The following ITIH3 variants were observed in gnomAD, a reference collection of about 807,000 sequenced individuals.
ITIH3 encodes the protein inter-alpha-trypsin inhibitor heavy chain 3.
Under a neutral mutation model 96.5 loss-of-function variants are expected in ITIH3, and 81 were observed. That is an observed-to-expected ratio of 0.84 (90% CI 0.70 to 1.01). ITIH3 has a LOEUF of 1.01. ITIH3 is among the 50% of genes least tolerant of loss of function. ITIH3 has a pLI of 0.00. For missense variants in ITIH3, 1,057 were observed against 1,139.3 expected, an observed-to-expected ratio of 0.93 and a Z score of 1.04; for synonymous variants, 422 against 445.2, an observed-to-expected ratio of 0.95 and a Z score of 0.66.
intron 2 of ITIH3, 56 bp from the exon 3 acceptor site, chr3:52,796,425 C>T (rs1398836520): frequency 2.1e-5 from 32 of 1,548,340 alleles, no homozygotes; most frequent in Non-Finnish European, 2.8e-5. Context: ...GGCTGGGTTG[C>T]AAACCTGCTT....
chr3:52,807,361 C>A (rs1472784496), intron 19 of ITIH3, among the ~76,000 whole-genome samples: 2 of 152,144 alleles, frequency 1.3e-5, no homozygotes, highest in Non-Finnish European at 2.9e-5. Flanking sequence ...GATAATGGCC[C>A]CCATTTGCCT....
rs1346730685 is a variant in ITIH3 at position 52,797,233 on chromosome 3, A to G, written c.515A>G (p.Lys172Arg). 1.2e-6 allele frequency: 2 copies of G among 1,607,338 alleles called. No individual in the cohort carries two copies. Among genetic ancestry groups the G allele is most frequent in the South Asian group, 2.2e-5 (2 of 89,510 alleles). ...AAGGGCAAGTACGAGATGTACCTCA[A>G]GGTCCAGCCTAAGCAACTGGTCAAA... ...RHKGKYEMYL[K>R]VQPKQLVKHF... The change falls in exon 5 of 22, where the codon AAG becomes AGG. Residue 172 changes from lysine to arginine, a missense_variant. Lys to Arg is a conservative substitution (Grantham distance 26, BLOSUM62 2). Coordinates refer to ENST00000449956, the MANE Select transcript of ITIH3 (RefSeq NM_002217.4).
intron 6 of ITIH3, 138 bp downstream of exon 6, chr3:52,798,068 C>A: frequency 1.6e-6 from 1 of 617,786 alleles, no homozygotes; most frequent in Non-Finnish European, 2.9e-6. Context: ...CTGCAACTAT[C>A]ACCTTCCTCC....
intron 2 of ITIH3, 114 bp downstream of exon 2, chr3:52,795,737 C>A: frequency 9.7e-7 from 1 of 1,030,890 alleles, no homozygotes; most frequent in Non-Finnish European, 1.4e-6. Context: ...TGGCAAACAG[C>A]TTACGGCCCT....
chr3:52,800,699 G>A, intron 10 of ITIH3, 36 bp downstream of exon 10: 1 of 1,592,184 alleles, frequency 6.3e-7, no homozygotes, highest in Admixed American at 1.8e-5. Flanking sequence ...GCTAGGGCTG[G>A]AGTGCTTGGC....
chr3:52,800,508 C>A, intron 9 of ITIH3, 30 bp from the exon 10 acceptor site: 1 of 1,550,342 alleles, frequency 6.5e-7, no homozygotes, highest in Non-Finnish European at 8.7e-7. Context: ...TGAGGACACC[C>A]TCCCACGGTG....
At chr3:52,804,277 A>G (rs1456121322) in intron 14 of ITIH3, 2 of 517,736 alleles carry the variant, frequency 3.9e-6, no homozygotes, top group Non-Finnish European at 6.9e-6. Context: ...TTTCAAGGAA[A>G]AGGACTGAGG....
In ITIH3 at chr3:52,801,053, T is replaced by A; in HGVS notation, c.1290T>A (p.Asn430Lys). 6.2e-7 allele frequency: 1 copy of A among 1,613,760 alleles called. No homozygotes were observed. Among genetic ancestry groups the A allele is most frequent in the African/African-American group, 1.3e-5 (1 of 75,060 alleles). ...TGTATAACCTGGGCTTTGGCAACAA[T>A]CTGAATTATAACTTCCTGGAGAACA... ...FPLYNLGFGN[N>K]LNYNFLENMA... The change falls in exon 11 of 22, where the codon AAT (asparagine) becomes AAA (lysine). Residue 430 changes from asparagine (N) to lysine (K), a missense_variant. By Grantham distance (94) the Asn-to-Lys change is moderately conservative. Transcript: ENST00000449956.
chr3:52,799,508 C>T lies in ITIH3; in HGVS notation c.906+20C>T. The T allele has an allele frequency of 6.4e-7, 1 of 1,554,996 alleles. No individual in the cohort carries two copies. Among genetic ancestry groups the T allele is most frequent in the Non-Finnish European group, 8.8e-7 (1 of 1,139,354 alleles). On this transcript the variant is annotated intron_variant, in intron 8 of 21. Transcript: ENST00000449956. ...GAGCAGGTAATCAGCACCAGTGGCA[C>T]AGCCAGGGCTCGGGGTAGTAGGGGG... is the stretch of plus-strand genomic sequence containing the variant.
chr3:52,796,183 C>G (rs759808083), intron 2 of ITIH3: 1 of 348,860 alleles, frequency 2.9e-6, no homozygotes, highest in South Asian at 4.2e-5. Flanking sequence ...CAGTGTCCCA[C>G]GCATAGCTGG....
Position 52,797,091 on chromosome 3 carries a change from C to T in ITIH3, c.387-14C>T, listed in dbSNP as rs765683798. 4.3e-5 allele frequency: 69 copies of T among 1,604,904 alleles called. No individual in the cohort carries two copies. The highest frequency in any genetic ancestry group is 5.2e-5 in the Non-Finnish European group (61 of 1,176,674). On this transcript the variant is annotated splice_polypyrimidine_tract_variant and intron_variant, in intron 4 of 21. Coordinates refer to ENST00000449956, the MANE Select transcript of ITIH3 (RefSeq NM_002217.4). Reference sequence around the variant, plus strand: ...GCAGTCTTTGAGGGAGTCACCATCTCGCACCCTGGTCAGGGCCTCTGGGAG... The same window carrying T: ...GCAGTCTTTGAGGGAGTCACCATCTTGCACCCTGGTCAGGGCCTCTGGGAG...
chr3:52,801,851 C>T (rs573002092), intron 11 of ITIH3, among the ~76,000 whole-genome samples: 3 of 152,292 alleles, frequency 2.0e-5, no homozygotes, highest in South Asian at 4.1e-4. Flanking sequence ...TGTAGCTGCA[C>T]GTCCTGTCTT....
chr3:52,799,742 C>T lies in ITIH3; in HGVS notation c.907-11C>T, dbSNP rs181053134. On this transcript the variant is annotated splice_polypyrimidine_tract_variant and intron_variant, in intron 8 of 21. Transcript: ENST00000449956. The stretch of plus-strand genomic sequence containing the variant: ...GCTGCGGCTTCTCCCAGCTCTTTGT[C>T]TCTCCTCCAGACAAAGGAGGCCCTT... 3.3e-5 allele frequency: 53 copies of T among 1,606,184 alleles called. 1 individual carries two copies. The East Asian group carries it at 7.1e-4, about 22-fold the overall frequency.
At chr3:52,800,941 T>TA (rs752793684) in intron 10 of ITIH3, 24 bp from the exon 11 acceptor site, 5 of 1,613,864 alleles carry the variant, frequency 3.1e-6, no homozygotes, top group Non-Finnish European at 4.2e-6. Context: ...GGGGCTGGAC[T>TA]GTGAACACCC....
At chr3:52,799,635 G>T in intron 8 of ITIH3, 118 bp from the exon 9 acceptor site, 1 of 1,192,906 alleles carries the variant, frequency 8.4e-7, no homozygotes. Flanking sequence ...GCCCGCTTCT[G>T]TGGCAAGCCT....
At chr3:52,800,458 C>T (rs1699781283) in intron 9 of ITIH3, 80 bp from the exon 10 acceptor site, 1 of 1,521,530 alleles carries the variant, frequency 6.6e-7, no homozygotes, top group Admixed American at 2.0e-5. Flanking sequence ...GCCGGCTGTC[C>T]CGGCCTCCTC....
At chr3:52,804,605 T>G in intron 14 of ITIH3, 121 bp from the exon 15 acceptor site, 1 of 1,008,780 alleles carries the variant, frequency 9.9e-7, no homozygotes, top group Non-Finnish European at 1.5e-6. Flanking sequence ...GGGGAAGAGC[T>G]GGCTGCTGGG....
chr3:52,803,525 G>A (rs959899037), intron 13 of ITIH3, among the ~76,000 whole-genome samples: 16 of 152,142 alleles, frequency 1.1e-4, no homozygotes, highest in Non-Finnish European at 1.9e-4. Context: ...CACCATGTTG[G>A]CCAGGCTGAT....
Position 52,799,905 on chromosome 3 carries a change from C to T in ITIH3, c.1059C>T (p.Ser353=), listed in dbSNP as rs1434865218. Reference sequence around the variant, plus strand: ...AGGAGGCCAGGACGTTTGTGAAGAGCATGGAGGATAAAGGAAGTAAGAGCG... The same window carrying T: ...AGGAGGCCAGGACGTTTGTGAAGAGTATGGAGGATAAAGGAAGTAAGAGCG... ...NLQEARTFVK[S]MEDKGMTNIN... The change falls in exon 9 of 22, where the codon AGC becomes AGT. Residue 353 remains serine (S), a synonymous_variant. Transcript: ENST00000449956. 1 of 1,613,722 alleles carries T rather than the reference C, an allele frequency of 6.2e-7. No homozygotes were observed. The highest frequency in any genetic ancestry group is 8.5e-7 in the Non-Finnish European group (1 of 1,179,748).
Sources: gnomAD v4.1 joint callset for allele counts (sites outside exome capture counted in the v4.1 genomes callset) on GRCh38, gnomAD v4.1.1 for gene constraint, MANE v1.5 for transcripts, NCBI Gene and HGNC (gene_info 2026-07-23, HGNC 2026-07-21) for gene names.